ARHGAP15: variants seen among roughly 807,000 people sequenced by gnomAD.
The protein encoded by ARHGAP15 is Rho GTPase activating protein 15.
A neutral mutation model predicts 63.7 loss-of-function variants in ARHGAP15; 51 were observed. That is an observed-to-expected ratio of 0.80 (90% CI 0.64 to 1.01). The LOEUF is 1.01. Ranked by LOEUF, ARHGAP15 falls within the 50% of genes least tolerant of loss-of-function variation. The pLI is 0.00. For missense variants in ARHGAP15, 560 were observed against 564.6 expected (o/e 0.99, Z 0.08); for synonymous variants, 191 against 193.8 (o/e 0.99, Z 0.12).
intron 11 of ARHGAP15, among the ~76,000 whole-genome samples, chr2:143,600,024 T>G: frequency 6.6e-6 from 1 of 152,154 alleles, no homozygotes. Flanking sequence ...TGCGGGCACA[T>G]GTTATAAAAG....
chr2:143,208,999 A>G (rs780005657), intron 3 of ARHGAP15, among the ~76,000 whole-genome samples: 5 of 152,058 alleles, frequency 3.3e-5, no homozygotes, highest in Non-Finnish European at 7.4e-5. Flanking sequence ...TTGCAGATAA[A>G]CCTTAAGTCA....
chr2:143,603,309 T>C (rs1258292868), intron 11 of ARHGAP15, among the ~76,000 whole-genome samples: 1 of 152,174 alleles, frequency 6.6e-6, no homozygotes, highest in South Asian at 2.1e-4. Context: ...TTTTTTCTTA[T>C]TTTTAGACCT....
chr2:143,481,106 T>G (rs1215419442), intron 8 of ARHGAP15, among the ~76,000 whole-genome samples: 1 of 151,404 alleles, frequency 6.6e-6, no homozygotes, highest in East Asian at 1.9e-4. Context: ...TATTTTGTCT[T>G]TTTTTTTTCT....
intron 9 of ARHGAP15, among the ~76,000 whole-genome samples, chr2:143,499,263 A>G (rs1692949771): frequency 6.6e-6 from 1 of 152,222 alleles, no homozygotes. Flanking sequence ...ACTTATGGTT[A>G]GAGCTTAACT....
intron 6 of ARHGAP15, among the ~76,000 whole-genome samples, chr2:143,286,464 C>T (rs1307130695): frequency 2.6e-5 from 4 of 152,146 alleles, no homozygotes; most frequent in Admixed American, 6.6e-5. Flanking sequence ...CTTGAAATCC[C>T]AGCTTTGTCT....
intron 6 of ARHGAP15, among the ~76,000 whole-genome samples, chr2:143,410,692 A>G (rs1433333137): frequency 1.3e-5 from 2 of 152,164 alleles, no homozygotes; most frequent in Non-Finnish European, 2.9e-5. Context: ...TATGTAGTGT[A>G]TATGTGTTGC....
chr2:143,198,870 C>T (rs1691993704), intron 2 of ARHGAP15, among the ~76,000 whole-genome samples: 1 of 152,140 alleles, frequency 6.6e-6, no homozygotes, highest in Non-Finnish European at 1.5e-5. Flanking sequence ...CTTTACTTTC[C>T]AGGAGAATTA....
intron 8 of ARHGAP15, among the ~76,000 whole-genome samples, chr2:143,459,284 C>T (rs974352083): frequency 6.6e-6 from 1 of 151,592 alleles, no homozygotes; most frequent in African/African-American, 2.4e-5. Flanking sequence ...GTTTTAGGAT[C>T]AAGGTACCAC....
chr2:143,763,819 TAC>T (rs1686858289), intron 13 of ARHGAP15, among the ~76,000 whole-genome samples: 1 of 149,132 alleles, frequency 6.7e-6, no homozygotes, highest in Non-Finnish European at 1.5e-5. Flanking sequence ...ATTACATATA[TAC>T]ACATACATAC....
chr2:143,204,753 C>T (rs1166286691), intron 3 of ARHGAP15, among the ~76,000 whole-genome samples: 3 of 152,074 alleles, frequency 2.0e-5, no homozygotes, highest in Non-Finnish European at 4.4e-5. Flanking sequence ...CTTTCTTCTC[C>T]TGTCTCCTTC....
At chr2:143,218,926 C>T (rs1692878072) in intron 4 of ARHGAP15, among the ~76,000 whole-genome samples, 3 of 152,168 alleles carry the variant, frequency 2.0e-5, no homozygotes, top group South Asian at 2.1e-4. Context: ...TGAAGACTAC[C>T]ATGTCGCTAG....
chr2:143,224,830 T>A (rs959210976), intron 4 of ARHGAP15, among the ~76,000 whole-genome samples: 3 of 152,124 alleles, frequency 2.0e-5, no homozygotes, highest in African/African-American at 7.2e-5. Flanking sequence ...TGCTAAGAAC[T>A]ATGGGCAACA....
intron 6 of ARHGAP15, among the ~76,000 whole-genome samples, chr2:143,412,232 C>T (rs1311317581): frequency 6.6e-6 from 1 of 152,020 alleles, no homozygotes; most frequent in Non-Finnish European, 1.5e-5. Context: ...AAGAGGTGGT[C>T]CCTGTGTTGA....
intron 6 of ARHGAP15, among the ~76,000 whole-genome samples, chr2:143,422,244 C>T (rs1688955315): frequency 6.6e-6 from 1 of 152,054 alleles, no homozygotes; most frequent in Non-Finnish European, 1.5e-5. Context: ...GTCCTACTCC[C>T]CAGGATACTA....
At chr2:143,399,038 G>A (rs1025720477) in intron 6 of ARHGAP15, among the ~76,000 whole-genome samples, 1 of 152,036 alleles carries the variant, frequency 6.6e-6, no homozygotes, top group African/African-American at 2.4e-5. Context: ...CCCAACTGTA[G>A]TGTTTTGAAA....
At chr2:143,346,059 T>C (rs1203934583) in intron 6 of ARHGAP15, among the ~76,000 whole-genome samples, 1 of 152,032 alleles carries the variant, frequency 6.6e-6, no homozygotes, top group Non-Finnish European at 1.5e-5. Context: ...AAAACACTAT[T>C]GAAATTGAGC....
intron 12 of ARHGAP15, among the ~76,000 whole-genome samples, chr2:143,661,352 A>G (rs1681761480): frequency 6.6e-6 from 1 of 152,194 alleles, no homozygotes; most frequent in Admixed American, 6.5e-5. Context: ...AGTCGATATA[A>G]CATTGCTTAC....
At chr2:143,568,467 C>T (rs1278985998) in intron 11 of ARHGAP15, among the ~76,000 whole-genome samples, 2 of 152,160 alleles carry the variant, frequency 1.3e-5, no homozygotes, top group Middle Eastern at 3.2e-3. Flanking sequence ...CAATGAGATA[C>T]CATCTCACAC....
chr2:143,480,082 T>C (rs1419513560), intron 8 of ARHGAP15, among the ~76,000 whole-genome samples: 1 of 152,152 alleles, frequency 6.6e-6, no homozygotes, highest in Non-Finnish European at 1.5e-5. Context: ...CAAAACACCC[T>C]GCCTTACACT....
Sources: allele counts gnomAD v4.1 joint callset (sites outside exome capture counted in the v4.1 genomes callset), GRCh38; gene constraint gnomAD v4.1.1; transcripts MANE v1.5; gene names NCBI Gene and HGNC (gene_info 2026-07-23, HGNC 2026-07-21).